Variants in DNAJC1 observed in about 807,000 individuals in gnomAD.
The protein encoded by DNAJC1 is DnaJ heat shock protein family (Hsp40) member C1, also known as dnaJ homolog subfamily C member 1.
Under a neutral mutation model 76.6 loss-of-function variants are expected in DNAJC1, and 58 were observed. The ratio of observed to expected loss-of-function variants is 0.76; its 90% CI spans 0.61 to 0.94. The LOEUF (loss-of-function observed/expected upper bound fraction) is 0.94. DNAJC1 is among the 40% of genes least tolerant of loss of function. DNAJC1 has a pLI of 0.00. For synonymous variants in DNAJC1, 258 were observed against 267.9 expected (o/e 0.96, Z 0.36); for missense variants, 689 against 677.3 (o/e 1.02, Z -0.19).
intron 1 of DNAJC1, among the ~76,000 whole-genome samples, chr10:21,992,090 C>T (rs375191407): frequency 1.1e-4 from 16 of 152,208 alleles, no homozygotes; most frequent in African/African-American, 3.4e-4. Context: ...GTTGGCGGAT[C>T]GCCTGACATC....
chr10:21,995,301 C>A (rs1318463310), intron 1 of DNAJC1, among the ~76,000 whole-genome samples: 1 of 152,128 alleles, frequency 6.6e-6, no homozygotes, highest in Non-Finnish European at 1.5e-5. Context: ...CAGTAAATGG[C>A]AACAATGATC....
chr10:21,941,287 A>AC (rs1837407220), intron 1 of DNAJC1, among the ~76,000 whole-genome samples: 1 of 147,414 alleles, frequency 6.8e-6, no homozygotes, highest in Non-Finnish European at 1.5e-5. Context: ...AAAAAAAAAA[A>AC]AAAAACAGAT....
chr10:21,804,746 C>T (rs1182439617), intron 9 of DNAJC1, among the ~76,000 whole-genome samples: 2 of 151,084 alleles, frequency 1.3e-5, no homozygotes, highest in East Asian at 1.9e-4. Flanking sequence ...TATTGCTAAA[C>T]GTCTTATAAA....
chr10:21,857,124 AAAG>A (rs1305900199), intron 8 of DNAJC1, among the ~76,000 whole-genome samples: 1 of 152,210 alleles, frequency 6.6e-6, no homozygotes, highest in African/African-American at 2.4e-5. Flanking sequence ...CCTTATTAAT[AAAG>A]AAGGATATGC....
chr10:21,778,003 C>A (rs1834475313), intron 9 of DNAJC1, among the ~76,000 whole-genome samples: 1 of 152,170 alleles, frequency 6.6e-6, no homozygotes, highest in African/African-American at 2.4e-5. Flanking sequence ...GCCTGGCCAA[C>A]ATGGTGAAAC....
intron 9 of DNAJC1, among the ~76,000 whole-genome samples, chr10:21,770,341 C>A (rs969556520): frequency 6.7e-6 from 1 of 149,614 alleles, no homozygotes; most frequent in African/African-American, 2.5e-5. Flanking sequence ...GTATCCATTG[C>A]TTATGTGGGT....
At chr10:21,806,636 T>C (rs776628101) in intron 8 of DNAJC1, among the ~76,000 whole-genome samples, 20 of 152,136 alleles carry the variant, frequency 1.3e-4, no homozygotes, top group Non-Finnish European at 2.5e-4. Context: ...TTTATGATCA[T>C]TCTATGTAAC....
Position 21,929,120 on chromosome 10 carries a change from T to C in DNAJC1, c.244A>G (p.Arg82Gly). Reference sequence around the variant, plus strand: ...AGTGAAAGCTTACGATATGCTTTTCTGATGTCTGCAGATGATGCATCCTGG... The same window carrying C: ...AGTGAAAGCTTACGATATGCTTTTCCGATGTCTGCAGATGATGCATCCTGG... ...VQQDASSADI[R>G]KAYRKLSLTL... is the part of the protein sequence containing the mutation. The change falls in exon 2 of 12, where the codon AGA becomes GGA. Residue 82 changes from arginine (R) to glycine (G), a missense_variant. Coordinates refer to ENST00000376980, the MANE Select transcript of DNAJC1 (RefSeq NM_022365.4). The C allele has an allele frequency of 6.2e-7, 1 of 1,612,090 alleles. No individual in the cohort carries two copies. The highest frequency in any genetic ancestry group is 8.5e-7 in the Non-Finnish European group (1 of 1,179,412).
intron 3 of DNAJC1, among the ~76,000 whole-genome samples, chr10:21,926,260 CTTTT>C (rs774374066): frequency 3.0e-5 from 4 of 134,732 alleles, no homozygotes; most frequent in East Asian, 2.1e-4. Context: ...CCAGCCTTTC[CTTTT>C]TTTTTTTTTT....
chr10:21,777,585 C>T (rs111868256), intron 9 of DNAJC1, among the ~76,000 whole-genome samples: 64 of 152,252 alleles, frequency 4.2e-4, no homozygotes, highest in Non-Finnish European at 7.1e-4. Context: ...CCTCAGGAAA[C>T]CAAGTGATTT....
chr10:21,760,123 TA>T (rs1834224288), intron 10 of DNAJC1, among the ~76,000 whole-genome samples: 1 of 152,138 alleles, frequency 6.6e-6, no homozygotes, highest in African/African-American at 2.4e-5. Context: ...AACATTTTAT[TA>T]AAAAGTTTAT....
At chr10:21,799,585 T>C (rs1834789729) in intron 9 of DNAJC1, among the ~76,000 whole-genome samples, 1 of 152,170 alleles carries the variant, frequency 6.6e-6, no homozygotes. Flanking sequence ...TTACAGGCAT[T>C]AGTTGCTGCA....
chr10:21,875,314 C>G (rs1836168408), intron 8 of DNAJC1, among the ~76,000 whole-genome samples: 1 of 152,178 alleles, frequency 6.6e-6, no homozygotes, highest in African/African-American at 2.4e-5. Context: ...CACCACCAAG[C>G]CTGGCTAATT....
chr10:21,813,086 T>C (rs1036436626), intron 8 of DNAJC1, among the ~76,000 whole-genome samples: 34 of 84,256 alleles, frequency 4.0e-4, no homozygotes, highest in African/African-American at 9.9e-4. Context: ...TATACATATA[T>C]ACACACACAC....
At chr10:21,803,591 G>C (rs752393637) in intron 9 of DNAJC1, among the ~76,000 whole-genome samples, 1 of 109,052 alleles carries the variant, frequency 9.2e-6, no homozygotes, top group Non-Finnish European at 2.3e-5. Context: ...GTGATTTTCT[G>C]TGTGTGTGTG....
rs1248353941 is a variant in DNAJC1, at chr10:21,837,948, C to T, written c.979-31849G>A. ...GCAGCCCCCGCCCGGCCAGCCGCCC[C>T]GGCCGGGAGGGAGGTGGGGGGCAGT... On this transcript the variant is annotated intron_variant, in intron 8 of 11. Transcript: ENST00000376980. Among the ~76,000 whole-genome samples, 509 of 147,134 alleles carry T rather than the reference C, an allele frequency of 3.5e-3. 1 individual carries two copies. The highest frequency in any genetic ancestry group is 7.0e-3 in the South Asian group (33 of 4,718).
intron 9 of DNAJC1, among the ~76,000 whole-genome samples, chr10:21,799,962 A>T (rs547404531): frequency 6.6e-6 from 1 of 152,212 alleles, no homozygotes; most frequent in African/African-American, 2.4e-5. Flanking sequence ...TTTACTTTGG[A>T]GACATCTTAT....
chr10:21,772,441 T>A (rs933246888), intron 9 of DNAJC1, among the ~76,000 whole-genome samples: 3 of 152,166 alleles, frequency 2.0e-5, no homozygotes, highest in Middle Eastern at 3.4e-3. Context: ...TGTTTCTGAT[T>A]TAGTTTTAGC....
At chr10:21,982,035 C>T (rs1838166848) in intron 1 of DNAJC1, among the ~76,000 whole-genome samples, 1 of 152,216 alleles carries the variant, frequency 6.6e-6, no homozygotes. Flanking sequence ...CAGAGACCCC[C>T]TTAACTCTGA....
Sources: gnomAD v4.1 joint callset for allele counts (sites outside exome capture counted in the v4.1 genomes callset) on GRCh38, gnomAD v4.1.1 for gene constraint, MANE v1.5 for transcripts, NCBI Gene and HGNC (gene_info 2026-07-23, HGNC 2026-07-21) for gene names.